Variants in AMOTL1 observed in about 807,000 individuals in gnomAD.
AMOTL1 encodes the protein angiomotin-like protein 1.
AMOTL1 carries 45 observed loss-of-function variants against 102.9 expected under a neutral mutation model. The ratio of observed to expected loss-of-function variants is 0.44; its 90% CI spans 0.34 to 0.56. AMOTL1 has a LOEUF of 0.56. Ranked by LOEUF, AMOTL1 falls within the 20% of genes least tolerant of loss-of-function variation. The pLI is 0.01. For synonymous variants in AMOTL1, 481 were observed against 484.7 expected (o/e 0.99, Z 0.10); for missense variants, 1,114 against 1,225.6 (o/e 0.91, Z 1.36).
chr11:94,763,332 C>A (rs1950817603), intron 3 of AMOTL1, among the ~76,000 whole-genome samples: 1 of 152,210 alleles, frequency 6.6e-6, no homozygotes, highest in African/African-American at 2.4e-5. Flanking sequence ...TGCCAGTATT[C>A]CCTGAATTAT....
chr11:94,788,241 A>G (rs1425537036), intron 1 of AMOTL1, among the ~76,000 whole-genome samples: 1 of 152,218 alleles, frequency 6.6e-6, no homozygotes, highest in Non-Finnish European at 1.5e-5. Context: ...GGAACATGGT[A>G]GGTAATAGTT....
intron 8 of AMOTL1, among the ~76,000 whole-genome samples, chr11:94,856,493 G>A (rs531597930): frequency 6.6e-6 from 1 of 152,156 alleles, no homozygotes; most frequent in East Asian, 1.9e-4. Context: ...GAGATGACTC[G>A]GAATCCACTT....
At position 94,821,692 on chromosome 11, in the gene AMOTL1, G is replaced by A; in HGVS notation, c.1284G>A (p.Gln428=). Residue 428 remains glutamine (Q), a synonymous_variant, in exon 4 of 13, where the codon CAG becomes CAA. Transcript: ENST00000433060. ...PQPPPAASPS[Q]QLGPDAFAIV... is the part of the protein sequence containing the mutation. ...CCCCGCCTGCCGCCTCCCCCAGCCA[G>A]CAGCTTGGTCCAGATGCCTTTGCGA... 6.2e-7 allele frequency: 1 copy of A among 1,614,046 alleles called. No individual in the cohort carries two copies. Among genetic ancestry groups the A allele is most frequent in the Non-Finnish European group, 8.5e-7 (1 of 1,179,908 alleles).
At position 94,859,701 on chromosome 11, in the gene AMOTL1, T is replaced by A; in HGVS notation, c.2121T>A (p.Thr707=). The change falls in exon 9 of 13, where the codon ACT becomes ACA. Residue 707 remains threonine, a synonymous_variant. Transcript: ENST00000433060. The part of the protein sequence containing the change: ...IRHFAMNAAA[T]AAAERDTTII... ...ACTTTGCCATGAATGCCGCAGCCAC[T>A]GCAGCAGCTGAGAGGTGAGACCAGT... 6.2e-7 allele frequency: 1 copy of A among 1,609,056 alleles called. No individual in the cohort carries two copies. The highest frequency in any genetic ancestry group is 8.5e-7 in the Non-Finnish European group (1 of 1,177,278).
intron 6 of AMOTL1, among the ~76,000 whole-genome samples, chr11:94,840,677 T>C (rs1270327067): frequency 1.9e-4 from 24 of 128,016 alleles, no homozygotes; most frequent in African/African-American, 4.6e-4. Flanking sequence ...TATATATATA[T>C]ATATACACAC....
chr11:94,733,714 A>T (rs2135463995), intron 2 of AMOTL1, among the ~76,000 whole-genome samples: 1 of 152,360 alleles, frequency 6.6e-6, no homozygotes, highest in Middle Eastern at 3.4e-3. Flanking sequence ...GTTTAGTCAT[A>T]GATTTCAATT....
intron 3 of AMOTL1, among the ~76,000 whole-genome samples, chr11:94,755,164 A>G (rs903984742): frequency 1.7e-4 from 26 of 152,244 alleles, no homozygotes; most frequent in African/African-American, 5.5e-4. Flanking sequence ...TTCCTACAGT[A>G]GAAATCCTGA....
intron 1 of AMOTL1, among the ~76,000 whole-genome samples, chr11:94,722,360 A>G (rs568666520): frequency 2.5e-4 from 38 of 152,290 alleles, no homozygotes; most frequent in Non-Finnish European, 4.7e-4. Flanking sequence ...CATCACTTCC[A>G]GAAGTGTATC....
intron 1 of AMOTL1, 146 bp downstream of exon 1, chr11:94,768,706 T>A: frequency 7.8e-7 from 1 of 1,286,142 alleles, no homozygotes. Flanking sequence ...AGATTGTTGT[T>A]TTTAAGCGGG....
rs1950718829 is a variant in AMOTL1 at position 94,755,975 on chromosome 11, GT to G, written c.136+14991del. On this transcript the variant is annotated intron_variant, in intron 3 of 4. Coordinates refer to the AMOTL1 transcript ENST00000299004. ...CGTGGGCTTGGAGGATGGGTGCAAG[GT>G]TTTATTGAGTGGTGGAGGTAGCTCT... Among the ~76,000 whole-genome samples, 2 of 152,192 alleles carry G rather than the reference GT, an allele frequency of 1.3e-5. 1 individual carries two copies. Among genetic ancestry groups the G allele is most frequent in the South Asian group, 4.1e-4 (2 of 4,832 alleles).
intron 8 of AMOTL1, among the ~76,000 whole-genome samples, chr11:94,856,974 TC>T (rs1952679832): frequency 6.6e-6 from 1 of 152,152 alleles, no homozygotes; most frequent in South Asian, 2.1e-4. Context: ...TTCAATTATT[TC>T]TTCTGGACCT....
chr11:94,751,520 G>A lies in AMOTL1; in HGVS notation c.136+10532G>A, dbSNP rs532500925. Reference sequence around the variant, plus strand: ...AATACAAAAGGACGATTCAGGGCAGGTGGACTCAAACTTGAATGTAAAATT... The same window carrying A: ...AATACAAAAGGACGATTCAGGGCAGATGGACTCAAACTTGAATGTAAAATT... On this transcript the variant is annotated intron_variant, in intron 3 of 4. Coordinates refer to the AMOTL1 transcript ENST00000299004. 4.1e-4 allele frequency among the ~76,000 whole-genome samples: 63 copies of A among 152,200 alleles called. No individual in the cohort carries two copies. The South Asian group carries it at 0.013, about 31-fold the overall frequency.
intron 3 of AMOTL1, among the ~76,000 whole-genome samples, chr11:94,758,817 CCTTAA>C (rs1301431304): frequency 6.6e-6 from 1 of 152,150 alleles, no homozygotes; most frequent in Non-Finnish European, 1.5e-5. Context: ...TTTGCTCACT[CCTTAA>C]CTTGACAGCA....
intron 5 of AMOTL1, among the ~76,000 whole-genome samples, chr11:94,830,606 TG>T (rs769940677): frequency 2.6e-5 from 4 of 152,240 alleles, no homozygotes; most frequent in Admixed American, 6.5e-5. Context: ...ACTTAACTAT[TG>T]CTAGGTGGAC....
intron 2 of AMOTL1, among the ~76,000 whole-genome samples, chr11:94,735,581 A>G (rs1950427290): frequency 6.6e-6 from 1 of 152,226 alleles, no homozygotes; most frequent in Admixed American, 6.5e-5. Context: ...GAAAACAGTC[A>G]TACCCCAGCT....
intron 3 of AMOTL1, among the ~76,000 whole-genome samples, chr11:94,760,398 A>G (rs894424137): frequency 6.6e-6 from 1 of 152,226 alleles, no homozygotes; most frequent in Non-Finnish European, 1.5e-5. Flanking sequence ...ACATTCCTAA[A>G]GAGCTTTCCT....
intron 2 of AMOTL1, among the ~76,000 whole-genome samples, chr11:94,798,564 C>T (rs982999562): frequency 5.9e-5 from 9 of 152,152 alleles, no homozygotes; most frequent in South Asian, 2.1e-4. Context: ...TCAGGGCCAT[C>T]GTCTGGCAGT....
chr11:94,786,714 T>C (rs773358535), intron 1 of AMOTL1, among the ~76,000 whole-genome samples: 1 of 152,212 alleles, frequency 6.6e-6, no homozygotes, highest in African/African-American at 2.4e-5. Flanking sequence ...TAGGTGGCTT[T>C]CTCTTTTTCC....
intron 1 of AMOTL1, among the ~76,000 whole-genome samples, chr11:94,771,795 AG>A (rs1340737012): frequency 6.6e-6 from 1 of 152,176 alleles, no homozygotes; most frequent in African/African-American, 2.4e-5. Flanking sequence ...GGACTCCTAA[AG>A]GGGCTCACAC....
Sources: allele counts gnomAD v4.1 joint callset (sites outside exome capture counted in the v4.1 genomes callset), GRCh38; gene constraint gnomAD v4.1.1; transcripts MANE v1.5; gene names NCBI Gene and HGNC (gene_info 2026-07-23, HGNC 2026-07-21).